Variants in EBF1 observed in about 807,000 individuals in gnomAD.
EBF1 encodes the protein transcription factor COE1.
EBF1 carries 10 observed loss-of-function variants against 68.4 expected under a neutral mutation model. The observed-to-expected ratio is 0.15, with a 90% CI of 0.09 to 0.25. EBF1 has a LOEUF of 0.25. EBF1 is among the 10% of genes least tolerant of loss of function. EBF1 has a pLI of 1.00. For synonymous variants in EBF1, 298 were observed against 299.8 expected, an observed-to-expected ratio of 0.99 and a Z score of 0.06; for missense variants, 509 against 794.4, an observed-to-expected ratio of 0.64 and a Z score of 4.32.
intron 9 of EBF1, among the ~76,000 whole-genome samples, chr5:158,793,264 T>A (rs971091516): frequency 3.3e-5 from 5 of 152,224 alleles, no homozygotes; most frequent in African/African-American, 4.8e-5. Context: ...TTAGTCACAC[T>A]CTGCATTTTC....
chr5:159,099,256 G>T (rs1326475856), intron 1 of EBF1, 89 bp downstream of exon 1: 1 of 1,049,594 alleles, frequency 9.5e-7, no homozygotes. Context: ...CCGGCCCCGC[G>T]GCAGCAGCTG....
At chr5:159,051,213 T>G (rs914441135) in intron 6 of EBF1, among the ~76,000 whole-genome samples, 1 of 152,054 alleles carries the variant, frequency 6.6e-6, no homozygotes, top group African/African-American at 2.4e-5. Context: ...CTTTTTTTTT[T>G]ATTTTAATTC....
intron 7 of EBF1, among the ~76,000 whole-genome samples, chr5:158,832,651 C>T (rs1293631126): frequency 1.3e-5 from 2 of 152,142 alleles, no homozygotes; most frequent in Admixed American, 6.6e-5. Flanking sequence ...ATTCTTATCC[C>T]TTTTATGTAA....
chr5:158,961,077 A>T (rs1818096684), intron 6 of EBF1, among the ~76,000 whole-genome samples: 1 of 152,234 alleles, frequency 6.6e-6, no homozygotes, highest in Admixed American at 6.5e-5. Context: ...ACAAAGAAAA[A>T]TATTCGAGCT....
chr5:158,921,033 A>T (rs1334342761), intron 6 of EBF1, among the ~76,000 whole-genome samples: 1 of 152,254 alleles, frequency 6.6e-6, no homozygotes, highest in African/African-American at 2.4e-5. Context: ...GTACAGGATC[A>T]TTTGCAGTGC....
At chr5:158,727,503 T>C (rs140315114) in intron 11 of EBF1, among the ~76,000 whole-genome samples, 274 of 152,304 alleles carry the variant, frequency 1.8e-3, no homozygotes, top group African/African-American at 6.0e-3. Context: ...GTTGGTCACA[T>C]GTTCCTCCCC....
At chr5:159,086,635 G>A (rs558121401) in intron 4 of EBF1, among the ~76,000 whole-genome samples, 2 of 152,204 alleles carry the variant, frequency 1.3e-5, no homozygotes, top group African/African-American at 2.4e-5. Flanking sequence ...TCTTCTCAGT[G>A]TATCAAATCA....
chr5:158,789,413 G>A (rs1194286555), intron 9 of EBF1, among the ~76,000 whole-genome samples: 2 of 152,034 alleles, frequency 1.3e-5, no homozygotes, highest in Non-Finnish European at 2.9e-5. Flanking sequence ...TTATTTTAGT[G>A]GAGCTGTATC....
chr5:158,969,847 A>G (rs1755044319), intron 6 of EBF1, among the ~76,000 whole-genome samples: 1 of 38,618 alleles, frequency 2.6e-5, no homozygotes, highest in Non-Finnish European at 5.4e-5. Context: ...AGAAAGAGAA[A>G]GAAAGAAAGA....
intron 7 of EBF1, among the ~76,000 whole-genome samples, chr5:158,837,382 A>G (rs1489982637): frequency 6.6e-6 from 1 of 152,150 alleles, no homozygotes; most frequent in African/African-American, 2.4e-5. Flanking sequence ...GATTTTCTCC[A>G]AAGGCTTGCA....
At chr5:159,077,387 T>G (rs961982153) in intron 5 of EBF1, among the ~76,000 whole-genome samples, 1 of 152,156 alleles carries the variant, frequency 6.6e-6, no homozygotes, top group African/African-American at 2.4e-5. Flanking sequence ...TACAGTGACC[T>G]GATATCGTGC....
At chr5:158,734,591 A>G (rs996237074) in intron 10 of EBF1, among the ~76,000 whole-genome samples, 7 of 152,142 alleles carry the variant, frequency 4.6e-5, no homozygotes, top group African/African-American at 1.4e-4. Context: ...ACTCTGCAAG[A>G]ATGTAATATA....
intron 6 of EBF1, among the ~76,000 whole-genome samples, chr5:158,968,661 G>A (rs964571807): frequency 2.6e-5 from 4 of 152,262 alleles, no homozygotes; most frequent in African/African-American, 9.6e-5. Flanking sequence ...ACATACCACT[G>A]AAAAAGAGAA....
chr5:158,788,421 C>T (rs1490643351), intron 9 of EBF1, among the ~76,000 whole-genome samples: 2 of 152,064 alleles, frequency 1.3e-5, no homozygotes, highest in Non-Finnish European at 2.9e-5. Context: ...GTACAAGGAG[C>T]AGCTAACAAG....
In EBF1 at chr5:158,847,482, C is replaced by T. The variant is rs78780718; in HGVS notation, c.555-7372G>A. Among the ~76,000 whole-genome samples the T allele has an allele frequency of 5.2e-3, 790 of 152,290 alleles. 32 individuals carry two copies. The East Asian group carries it at 0.11, about 21-fold the overall frequency. On this transcript the variant is annotated intron_variant, in intron 6 of 15. Coordinates refer to ENST00000313708, the MANE Select transcript of EBF1 (RefSeq NM_024007.5). ...TTAGAGCAAGGGGGCTGTAGCTTAACACTGACTTCTGGCTATCTGGCCCAA... is the reference window on the plus strand; with the variant it reads ...TTAGAGCAAGGGGGCTGTAGCTTAATACTGACTTCTGGCTATCTGGCCCAA...
chr5:158,823,307 G>A lies in EBF1; in HGVS notation c.647C>T (p.Ser216Phe), dbSNP rs1416307205. Residue 216 changes from serine to phenylalanine, a missense_variant, in exon 8 of 16, where the codon TCT (serine) becomes TTT (phenylalanine). By Grantham distance (155) the Ser-to-Phe change is radical (BLOSUM62 -2). Coordinates refer to ENST00000313708, the MANE Select transcript of EBF1 (RefSeq NM_024007.5). ...RDMRRFQVVV[S>F]TTVNVDGHVL... is the part of the protein sequence containing the mutation. ...ATGGCCATCCACATTGACTGTCGTA[G>A]ACACCACGACCTGGAGACATAAGAA... The A allele has an allele frequency of 6.2e-7, 1 of 1,612,308 alleles. No individual in the cohort carries two copies.
chr5:158,996,074 A>C (rs1179335118), intron 6 of EBF1, among the ~76,000 whole-genome samples: 2 of 152,162 alleles, frequency 1.3e-5, no homozygotes, highest in Admixed American at 1.3e-4. Flanking sequence ...TGGGCCCCAA[A>C]TCCAACTTTA....
intron 6 of EBF1, among the ~76,000 whole-genome samples, chr5:159,061,757 A>AAAT (rs1208926596): frequency 1.3e-5 from 2 of 151,732 alleles, no homozygotes; most frequent in African/African-American, 4.8e-5. Context: ...TTTCAATCCT[A>AAAT]AATAAAATAG....
chr5:158,735,189 G>A (rs1003108784), intron 10 of EBF1, among the ~76,000 whole-genome samples: 8 of 152,122 alleles, frequency 5.3e-5, no homozygotes, highest in African/African-American at 1.9e-4. Context: ...AAAGACAGAT[G>A]AAATCCTCTA....
Sources: allele counts gnomAD v4.1 joint callset (sites outside exome capture counted in the v4.1 genomes callset), GRCh38; gene constraint gnomAD v4.1.1; transcripts MANE v1.5; gene names NCBI Gene and HGNC (gene_info 2026-07-23, HGNC 2026-07-21).